The following DAB1 variants were observed in gnomAD, a reference collection of about 807,000 sequenced individuals.
DAB1 encodes the protein DAB adaptor protein 1, also known as disabled homolog 1.
DAB1 carries 15 observed loss-of-function variants against 64.6 expected under a neutral mutation model. The ratio of observed to expected loss-of-function variants is 0.23; its 90% CI spans 0.16 to 0.36. The LOEUF (loss-of-function observed/expected upper bound fraction) is 0.36, where lower values mean the gene tolerates loss of function less well. Ranked by LOEUF, DAB1 falls within the 10% of genes least tolerant of loss-of-function variation. DAB1 has a pLI of 1.00. For missense variants in DAB1, 596 were observed against 706.7 expected, an observed-to-expected ratio of 0.84 and a Z score of 1.78; for synonymous variants, 235 against 251.9, an observed-to-expected ratio of 0.93 and a Z score of 0.64.
At chr1:58,297,069 T>C (rs2100456835) in intron 4 of DAB1, among the ~76,000 whole-genome samples, 1 of 152,320 alleles carries the variant, frequency 6.6e-6, no homozygotes, top group East Asian at 1.9e-4. Context: ...ATGTATGTCA[T>C]CTCATTGTTC....
intron 4 of DAB1, among the ~76,000 whole-genome samples, chr1:58,229,642 C>A (rs7413067): frequency 2.6e-5 from 4 of 152,010 alleles, no homozygotes; most frequent in Non-Finnish European, 5.9e-5. Context: ...AAGAGAGTAC[C>A]AAGGCAAAGA....
At chr1:57,982,278 A>G (rs1557593618) in intron 5 of DAB1, among the ~76,000 whole-genome samples, 4 of 152,198 alleles carry the variant, frequency 2.6e-5, no homozygotes, top group Admixed American at 2.6e-4. Context: ...TTAGAACAGA[A>G]CCCATTTTAG....
At chr1:57,789,106 C>T (rs1008917809) in intron 6 of DAB1, among the ~76,000 whole-genome samples, 6 of 152,076 alleles carry the variant, frequency 3.9e-5, no homozygotes, top group African/African-American at 1.4e-4. Context: ...AGTGCAGAGG[C>T]CTTTCTTTCA....
chr1:57,821,604 G>A (rs1280216878), downstream of DAB1, among the ~76,000 whole-genome samples: 1 of 152,214 alleles, frequency 6.6e-6, no homozygotes, highest in Non-Finnish European at 1.5e-5. Flanking sequence ...AAGCTTACCT[G>A]GAGGTGTTAT....
chr1:57,330,393 A>G (rs1375983403), intron 1 of DAB1, among the ~76,000 whole-genome samples: 1 of 152,216 alleles, frequency 6.6e-6, no homozygotes, highest in Admixed American at 6.5e-5. Flanking sequence ...AGCAGAACAC[A>G]CAGGTTGTGG....
chr1:57,924,932 G>T (rs576337881), intron 5 of DAB1, among the ~76,000 whole-genome samples: 1 of 152,148 alleles, frequency 6.6e-6, no homozygotes, highest in Middle Eastern at 3.4e-3. Context: ...ACCATAAATT[G>T]TATTAGTTAT....
At chr1:57,877,525 T>A (rs1644067021) in intron 1 of DAB1, among the ~76,000 whole-genome samples, 2 of 152,126 alleles carry the variant, frequency 1.3e-5, no homozygotes, top group African/African-American at 4.8e-5. Flanking sequence ...GCTTCATCTT[T>A]TAAAAATCCT....
intron 1 of DAB1, among the ~76,000 whole-genome samples, chr1:57,419,396 T>A (rs1299271474): frequency 6.6e-6 from 1 of 151,678 alleles, no homozygotes; most frequent in Non-Finnish European, 1.5e-5. Flanking sequence ...TCAGAATAAC[T>A]GCGGAAAAGT....
At chr1:58,494,292 T>C (rs979744763) in intron 3 of DAB1, among the ~76,000 whole-genome samples, 25 of 152,162 alleles carry the variant, frequency 1.6e-4, no homozygotes, top group Non-Finnish European at 2.9e-5. Flanking sequence ...GACTTAAATG[T>C]TAGACCTAAA....
intron 6 of DAB1, among the ~76,000 whole-genome samples, chr1:57,653,954 T>C (rs775015454): frequency 1.3e-5 from 2 of 152,188 alleles, no homozygotes; most frequent in Admixed American, 6.5e-5. Context: ...TTTATACCAA[T>C]CTGGCGTTAG....
At chr1:58,320,550 T>C (rs948334272) in intron 4 of DAB1, among the ~76,000 whole-genome samples, 3 of 152,210 alleles carry the variant, frequency 2.0e-5, no homozygotes, top group Non-Finnish European at 4.4e-5. Flanking sequence ...AATCCAGACA[T>C]GTCTGCAACC....
chr1:57,350,939 A>C (rs1678541372), intron 1 of DAB1, among the ~76,000 whole-genome samples: 1 of 152,192 alleles, frequency 6.6e-6, no homozygotes, highest in African/African-American at 2.4e-5. Flanking sequence ...AGAAATAAAT[A>C]AGAAGAGGCC....
At chr1:57,654,325 G>C (rs1276834784) in intron 6 of DAB1, among the ~76,000 whole-genome samples, 3 of 152,176 alleles carry the variant, frequency 2.0e-5, no homozygotes, top group Non-Finnish European at 4.4e-5. Flanking sequence ...CTGAGGATGG[G>C]AGTTCCATTT....
chr1:57,199,924 A>G (rs1557923419), intron 2 of DAB1, among the ~76,000 whole-genome samples: 1 of 152,194 alleles, frequency 6.6e-6, no homozygotes, highest in Non-Finnish European at 1.5e-5. Context: ...GGACGGGCCA[A>G]ATGAGTCCAA....
intron 1 of DAB1, among the ~76,000 whole-genome samples, chr1:57,420,958 G>A (rs1480226467): frequency 2.0e-5 from 3 of 152,188 alleles, no homozygotes; most frequent in Non-Finnish European, 4.4e-5. Flanking sequence ...TTATTAGTTT[G>A]AGAGAAGGAT....
chr1:57,488,976 A>G (rs990364971), intron 7 of DAB1, among the ~76,000 whole-genome samples: 6 of 152,204 alleles, frequency 3.9e-5, no homozygotes, highest in Non-Finnish European at 7.3e-5. Context: ...TAAACTTACA[A>G]TTAGCAGAAA....
At chr1:58,171,584 T>C (rs1656178198) in intron 4 of DAB1, among the ~76,000 whole-genome samples, 1 of 152,228 alleles carries the variant, frequency 6.6e-6, no homozygotes, top group Admixed American at 6.5e-5. Flanking sequence ...GGATGCCTTA[T>C]TCTGTATTCC....
At chr1:58,533,836 C>A in intron 1 of DAB1, 1 of 692,924 alleles carries the variant, frequency 1.4e-6, no homozygotes, top group South Asian at 1.6e-5. Context: ...GGCAATTACC[C>A]AAAACTAAAA....
intron 4 of DAB1, among the ~76,000 whole-genome samples, chr1:58,239,399 T>C (rs373890966): frequency 1.3e-5 from 2 of 152,322 alleles, no homozygotes; most frequent in East Asian, 1.9e-4. Context: ...AGAAAGGACA[T>C]GTTTAAATTT....
Sources: gnomAD v4.1 joint callset for allele counts (sites outside exome capture counted in the v4.1 genomes callset) on GRCh38, gnomAD v4.1.1 for gene constraint, MANE v1.5 for transcripts, NCBI Gene and HGNC (gene_info 2026-07-23, HGNC 2026-07-21) for gene names.